The following NELL2 variants were observed in gnomAD, a reference collection of about 807,000 sequenced individuals.
NELL2 encodes neural EGFL like 2, also known as protein kinase C-binding protein NELL2.
Under a neutral mutation model 109.6 loss-of-function variants are expected in NELL2, and 41 were observed. The ratio of observed to expected loss-of-function variants is 0.37; its 90% CI spans 0.29 to 0.49. NELL2 has a LOEUF of 0.49. Ranked by LOEUF, NELL2 falls within the 20% of genes least tolerant of loss-of-function variation. NELL2 has a pLI of 0.98. For synonymous variants in NELL2, 355 were observed against 344.7 expected, an observed-to-expected ratio of 1.03 and a Z score of -0.33; for missense variants, 900 against 1,008.3, an observed-to-expected ratio of 0.89 and a Z score of 1.45.
intron 9 of NELL2, among the ~76,000 whole-genome samples, chr12:44,722,390 T>C (rs1372598135): frequency 2.6e-5 from 4 of 152,140 alleles, no homozygotes; most frequent in African/African-American, 9.7e-5. Context: ...TGTTTTGAAG[T>C]CCTGACCTCA....
chr12:44,582,266 T>A (rs971805699), intron 15 of NELL2, among the ~76,000 whole-genome samples: 3 of 152,068 alleles, frequency 2.0e-5, no homozygotes, highest in African/African-American at 7.2e-5. Context: ...GCTCATGAAT[T>A]TAAAGAGTGA....
At chr12:44,627,379 T>C (rs556631258) in intron 13 of NELL2, among the ~76,000 whole-genome samples, 2 of 151,610 alleles carry the variant, frequency 1.3e-5, no homozygotes, top group Non-Finnish European at 2.9e-5. Flanking sequence ...GAATCTATTC[T>C]CATTGGTTAT....
intron 12 of NELL2, 64 bp from the exon 13 acceptor site, chr12:44,665,673 T>G (rs961847216): frequency 6.7e-7 from 1 of 1,485,304 alleles, no homozygotes; most frequent in South Asian, 1.5e-5. Context: ...CTATATAATT[T>G]TCTTTGGTAG....
In NELL2 at chr12:44,683,338, C is replaced by T. The variant is rs866420598; in HGVS notation, c.1319-17729G>A. Reference sequence around the variant, plus strand: ...TTTTGGGCTGAGACAATGGGGTTTTCTAGATATACTATCATGTCGTCTGCA... The same window carrying T: ...TTTTGGGCTGAGACAATGGGGTTTTTTAGATATACTATCATGTCGTCTGCA... On this transcript the variant is annotated intron_variant, in intron 12 of 19. Transcript: ENST00000429094. Among the ~76,000 whole-genome samples the T allele has an allele frequency of 7.7e-5, 11 of 142,756 alleles. 1 individual carries two copies. Among genetic ancestry groups the T allele is most frequent in the African/African-American group, 3.4e-4 (11 of 32,516 alleles). The allele number at this position is 142,756 out of a possible 152,430, so 93.7% of individuals were successfully genotyped here.
chr12:44,721,894 A>G (rs1324371889), intron 9 of NELL2, among the ~76,000 whole-genome samples: 2 of 152,110 alleles, frequency 1.3e-5, no homozygotes, highest in Non-Finnish European at 2.9e-5. Flanking sequence ...GTTTCATGAC[A>G]GCTATATTAA....
intron 2 of NELL2, 154 bp downstream of exon 2, chr12:44,875,071 G>A: frequency 2.0e-6 from 2 of 1,005,478 alleles, no homozygotes; most frequent in Non-Finnish European, 2.8e-6. Context: ...ACTTAAAAGA[G>A]ATAGGGATAT....
intron 15 of NELL2, among the ~76,000 whole-genome samples, chr12:44,593,781 G>A (rs745629511): frequency 1.3e-5 from 2 of 152,120 alleles, no homozygotes; most frequent in African/African-American, 2.4e-5. Flanking sequence ...TAGCCTTGTA[G>A]TACAGTTTGA....
At chr12:44,810,991 C>T (rs917531301) in intron 3 of NELL2, among the ~76,000 whole-genome samples, 5 of 151,776 alleles carry the variant, frequency 3.3e-5, no homozygotes, top group South Asian at 2.1e-4. Context: ...GAAATACATG[C>T]GGCCATAAAA....
upstream of NELL2, chr12:44,876,741 G>A (rs775075381): frequency 9.2e-6 from 14 of 1,519,408 alleles, no homozygotes; most frequent in African/African-American, 1.4e-5. Flanking sequence ...CTCGTGCACT[G>A]GGCTCCGGAG....
chr12:44,727,641 T>C (rs1301241568), intron 9 of NELL2, among the ~76,000 whole-genome samples: 5 of 152,204 alleles, frequency 3.3e-5, no homozygotes, highest in South Asian at 4.1e-4. Context: ...AATATACCTG[T>C]ACTTGTACCT....
chr12:44,768,175 C>G (rs948705201), intron 9 of NELL2, among the ~76,000 whole-genome samples: 5 of 151,220 alleles, frequency 3.3e-5, no homozygotes, highest in Non-Finnish European at 5.9e-5. Flanking sequence ...CATGCTGTCT[C>G]ACAGCCTTAA....
chr12:44,570,529 CT>C (rs2136194848), intron 15 of NELL2, among the ~76,000 whole-genome samples: 2 of 152,112 alleles, frequency 1.3e-5, no homozygotes, highest in South Asian at 4.2e-4. Flanking sequence ...TGCATCAATC[CT>C]TTTTTAAAAA....
chr12:44,639,111 C>T (rs2136297243), intron 13 of NELL2, among the ~76,000 whole-genome samples: 1 of 152,242 alleles, frequency 6.6e-6, no homozygotes, highest in East Asian at 1.9e-4. Flanking sequence ...AGCAAAATTT[C>T]AAATGCTGAA....
chr12:44,644,952 G>A (rs1346135191), intron 13 of NELL2, among the ~76,000 whole-genome samples: 1 of 151,950 alleles, frequency 6.6e-6, no homozygotes, highest in Non-Finnish European at 1.5e-5. Flanking sequence ...AACCCCAGTG[G>A]ATGGGGAAGA....
chr12:44,621,293 A>G lies in NELL2; in HGVS notation c.1445-10323T>C, dbSNP rs559839689. On this transcript the variant is annotated intron_variant, in intron 13 of 19. Transcript: ENST00000429094. ...TCAGTCTCATTTAGATGAGCCCTGT[A>G]GAACCTGTGTTTCATTTTGTTATAA... is the stretch of plus-strand genomic sequence containing the variant. Among the ~76,000 whole-genome samples, 26 of 152,290 alleles carry G rather than the reference A, an allele frequency of 1.7e-4. No homozygotes were observed. The South Asian group carries it at 4.3e-3, about 25-fold the overall frequency.
In NELL2 at chr12:44,777,077, C is replaced by T. The variant is rs1253423392; in HGVS notation, c.727G>A (p.Glu243Lys). The change falls in exon 7 of 20, where the codon GAG becomes AAG. Residue 243 changes from glutamate to lysine, a missense_variant. This residue lies in a region of NELL2 where 75 missense variants were observed against 118.9 expected (regional missense o/e 0.63). Coordinates refer to ENST00000429094, the MANE Select transcript of NELL2 (RefSeq NM_001145108.2). ...DFHGLVQKIM[E>K]LQDILAKTSA... ...GTTTTGGCTAAAATATCCTGTAGCT[C>T]CATGATTTTCTGCACAAGTCCATGG... The T allele has an allele frequency of 1.2e-6, 2 of 1,613,890 alleles. No individual in the cohort carries two copies. The highest frequency in any genetic ancestry group is 1.7e-6 in the Non-Finnish European group (2 of 1,179,944).
chr12:44,550,326 TGAA>T (rs1436397500), intron 15 of NELL2, among the ~76,000 whole-genome samples: 2 of 151,802 alleles, frequency 1.3e-5, no homozygotes, highest in Non-Finnish European at 2.9e-5. Flanking sequence ...ATCAGGATCT[TGAA>T]GAGATATCTG....
intron 2 of NELL2, among the ~76,000 whole-genome samples, chr12:44,820,346 C>A (rs984254487): frequency 1.3e-5 from 2 of 152,242 alleles, no homozygotes; most frequent in South Asian, 4.1e-4. Context: ...CAGTGGCTCA[C>A]GCCTGTAATC....
At chr12:44,715,212 A>G (rs1425250526) in intron 9 of NELL2, among the ~76,000 whole-genome samples, 1 of 150,628 alleles carries the variant, frequency 6.6e-6, no homozygotes, top group African/African-American at 2.4e-5. Context: ...ACATCCATGT[A>G]AGTTTTAAGT....
Sources: gnomAD v4.1 joint callset for allele counts (sites outside exome capture counted in the v4.1 genomes callset) on GRCh38, gnomAD v4.1.1 for gene constraint, gnomAD v4.1.1 regional missense constraint, MANE v1.5 for transcripts, NCBI Gene and HGNC (gene_info 2026-07-23, HGNC 2026-07-21) for gene names.